CPED1: variants seen among roughly 807,000 people sequenced by gnomAD.
The protein encoded by CPED1 is cadherin like and PC-esterase domain containing 1.
Under a neutral mutation model 128.2 loss-of-function variants are expected in CPED1, and 114 were observed. That is an observed-to-expected ratio of 0.89 (90% CI 0.76 to 1.04). The LOEUF (loss-of-function observed/expected upper bound fraction) is 1.04, where lower values mean the gene tolerates loss of function less well. Ranked by LOEUF, CPED1 falls within the 50% of genes least tolerant of loss-of-function variation. The pLI is 0.00. For synonymous variants in CPED1, 462 were observed against 426.7 expected, an observed-to-expected ratio of 1.08 and a Z score of -1.02; for missense variants, 1,211 against 1,207.1, an observed-to-expected ratio of 1.00 and a Z score of -0.05.
In CPED1 at chr7:121,108,707, T is replaced by C. The variant is rs77157830; in HGVS notation, c.918+8613T>C. On this transcript the variant is annotated intron_variant, in intron 7 of 22. Transcript: ENST00000310396. ...AGTACACAAATATAGGATATTTTTA[T>C]GGAATATGGAATACTGACTTAGAAG... Among the ~76,000 whole-genome samples the C allele has an allele frequency of 8.2e-3, 1,249 of 152,206 alleles. 14 individuals carry two copies. The highest frequency in any genetic ancestry group is 0.028 in the African/African-American group (1,179 of 41,534).
At chr7:121,067,512 A>T (rs1041383896) in intron 5 of CPED1, among the ~76,000 whole-genome samples, 12 of 152,134 alleles carry the variant, frequency 7.9e-5, no homozygotes, top group African/African-American at 2.9e-4. Flanking sequence ...CCAGTCTATC[A>T]TTGTTGGACA....
chr7:121,091,303 A>G (rs1409354653), intron 5 of CPED1, among the ~76,000 whole-genome samples: 1 of 152,186 alleles, frequency 6.6e-6, no homozygotes, highest in East Asian at 1.9e-4. Context: ...CTGCAATGCA[A>G]AATTTGAGGA....
At chr7:121,205,478 T>G (rs1797497096) in intron 16 of CPED1, among the ~76,000 whole-genome samples, 1 of 152,104 alleles carries the variant, frequency 6.6e-6, no homozygotes, top group African/African-American at 2.4e-5. Flanking sequence ...TTTGGTATTA[T>G]CTTTTCTTTG....
chr7:121,128,640 C>G (rs1272764036), intron 11 of CPED1, among the ~76,000 whole-genome samples, 154 bp downstream of exon 11: 1 of 151,900 alleles, frequency 6.6e-6, no homozygotes, highest in Non-Finnish European at 1.5e-5. Context: ...ATCTAAGTAG[C>G]AAAATGAGCA....
intron 16 of CPED1, among the ~76,000 whole-genome samples, chr7:121,153,400 T>C (rs1038147223): frequency 6.6e-6 from 1 of 152,210 alleles, no homozygotes; most frequent in Non-Finnish European, 1.5e-5. Context: ...CAAATGCTAA[T>C]ACATCTTCAC....
At chr7:121,099,750 C>T (rs1445474312) in intron 6 of CPED1, among the ~76,000 whole-genome samples, 176 bp from the exon 7 acceptor site, 3 of 152,180 alleles carry the variant, frequency 2.0e-5, no homozygotes, top group African/African-American at 7.2e-5. Flanking sequence ...CGCTGTACCT[C>T]TCCACCACCT....
chr7:120,991,847 T>C (rs1796314103), intron 2 of CPED1, among the ~76,000 whole-genome samples: 1 of 152,186 alleles, frequency 6.6e-6, no homozygotes, highest in Admixed American at 6.5e-5. Context: ...AAATTTACAA[T>C]TATAGTTCAG....
intron 4 of CPED1, among the ~76,000 whole-genome samples, chr7:121,053,267 A>C (rs74699886): frequency 1.6e-4 from 25 of 152,102 alleles, no homozygotes; most frequent in African/African-American, 5.3e-4. Context: ...ACTACCCTTC[A>C]TTGCATTGAG....
chr7:121,084,015 C>T (rs1794359182), intron 5 of CPED1, among the ~76,000 whole-genome samples: 1 of 152,170 alleles, frequency 6.6e-6, no homozygotes, highest in African/African-American at 2.4e-5. Flanking sequence ...GTAGCTACGA[C>T]TTTAATCTAG....
At chr7:121,266,482 A>G in intron 19 of CPED1, 35 bp downstream of exon 19, 1 of 1,518,438 alleles carries the variant, frequency 6.6e-7, no homozygotes, top group Non-Finnish European at 9.1e-7. Flanking sequence ...CACAAAACCC[A>G]CAAAGTACTG....
chr7:121,188,619 A>G (rs1797057637), intron 16 of CPED1, among the ~76,000 whole-genome samples: 1 of 152,160 alleles, frequency 6.6e-6, no homozygotes, highest in Admixed American at 6.6e-5. Context: ...CTGAGCCTTG[A>G]GGATCATAAC....
intron 16 of CPED1, among the ~76,000 whole-genome samples, chr7:121,203,519 C>G (rs1797448920): frequency 6.6e-6 from 1 of 152,132 alleles, no homozygotes; most frequent in Non-Finnish European, 1.5e-5. Flanking sequence ...CCACTCTATA[C>G]CATCTCAAAG....
intron 5 of CPED1, among the ~76,000 whole-genome samples, chr7:121,082,663 A>C (rs1017929881): frequency 6.6e-6 from 1 of 152,228 alleles, no homozygotes; most frequent in African/African-American, 2.4e-5. Context: ...TCTGTAAGAT[A>C]GATATATTCA....
Position 121,271,363 on chromosome 7 carries a change from C to A in CPED1, c.2801C>A (p.Thr934Lys). ...AAACATGGCTATGAAGTAGTTGACACATTCACTATAACAATGGGGCGTTAC... is the reference window on the plus strand; with the variant it reads ...AAACATGGCTATGAAGTAGTTGACAAATTCACTATAACAATGGGGCGTTAC... ...AKKHGYEVVD[T>K]FTITMGRYKE... is the part of the protein sequence containing the mutation. Residue 934 changes from threonine to lysine, a missense_variant, in exon 22 of 23, where the codon ACA becomes AAA. Coordinates refer to ENST00000310396, the MANE Select transcript of CPED1 (RefSeq NM_024913.5). 6.2e-7 allele frequency: 1 copy of A among 1,612,530 alleles called. No homozygotes were observed. Among genetic ancestry groups the A allele is most frequent in the Non-Finnish European group, 8.5e-7 (1 of 1,178,884 alleles).
chr7:121,083,233 T>C (rs1327439206), intron 5 of CPED1, among the ~76,000 whole-genome samples: 1 of 152,134 alleles, frequency 6.6e-6, no homozygotes, highest in African/African-American at 2.4e-5. Context: ...AATTTACCAA[T>C]GCAAACCTTA....
chr7:121,230,766 A>G (rs932547205), intron 16 of CPED1, among the ~76,000 whole-genome samples: 2 of 152,070 alleles, frequency 1.3e-5, no homozygotes, highest in African/African-American at 2.4e-5. Context: ...GCAAGTTTAT[A>G]CTTACATTTC....
Position 121,114,776 on chromosome 7 carries a change from T to C in CPED1, c.919-9555T>C, listed in dbSNP as rs567700283. 2.6e-5 allele frequency among the ~76,000 whole-genome samples: 4 copies of C among 152,372 alleles called. No individual in the cohort carries two copies. The South Asian group carries it at 6.2e-4, about 24-fold the overall frequency. On this transcript the variant is annotated intron_variant, in intron 7 of 22. Coordinates refer to ENST00000310396, the MANE Select transcript of CPED1 (RefSeq NM_024913.5). ...ACAAAGGAATACAGGTTTAATTCTT[T>C]TTTATTTTTTAAAAAAAGTTTAAGA...
At chr7:121,034,663 A>C (rs1040808721) in intron 3 of CPED1, among the ~76,000 whole-genome samples, 4 of 152,166 alleles carry the variant, frequency 2.6e-5, no homozygotes, top group Admixed American at 2.0e-4. Flanking sequence ...GGAGCATTAC[A>C]AAGGTAAGAC....
At chr7:121,001,705 A>C (rs1791865312) in intron 2 of CPED1, among the ~76,000 whole-genome samples, 1 of 152,108 alleles carries the variant, frequency 6.6e-6, no homozygotes, top group Admixed American at 6.6e-5. Context: ...TCCAAGAGAA[A>C]GGGAAATTAC....
Sources: gnomAD v4.1 joint callset for allele counts (sites outside exome capture counted in the v4.1 genomes callset) on GRCh38, gnomAD v4.1.1 for gene constraint, MANE v1.5 for transcripts, NCBI Gene and HGNC (gene_info 2026-07-23, HGNC 2026-07-21) for gene names.